Variants in C16orf46 observed in about 807,000 individuals in gnomAD.
C16orf46 encodes the protein uncharacterized protein C16orf46.
C16orf46 carries 7 observed loss-of-function variants against 5.5 expected under a neutral mutation model. The ratio of observed to expected loss-of-function variants is 1.28; its 90% CI spans 0.73 to 2.40. The LOEUF (loss-of-function observed/expected upper bound fraction) is 2.40. C16orf46 is among the 30% of genes most tolerant of loss of function. The pLI, the probability that C16orf46 is intolerant of heterozygous loss-of-function variation, is 0.00. For synonymous variants in C16orf46, 200 were observed against 184.1 expected (o/e 1.09, Z -0.70); for missense variants, 614 against 476.0 (o/e 1.29, Z -2.70).
chr16:81,074,891 T>C (rs4889225), intron 1 of C16orf46, among the ~76,000 whole-genome samples: 122,835 of 152,132 alleles, frequency 0.81, 50,957 homozygotes, highest in Non-Finnish European at 0.92. Flanking sequence ...CTTTTGTTTT[T>C]GGACCATTAT....
At chr16:81,057,141 G>A (rs1354375182), downstream of C16orf46, among the ~76,000 whole-genome samples, 1 of 152,158 alleles carries the variant, frequency 6.6e-6, no homozygotes, top group South Asian at 2.1e-4. Flanking sequence ...TAGTGCCCAG[G>A]TTGAAAAGCC....
At chr16:81,055,625 C>T (rs1245657236) in intron 3 of C16orf46, among the ~76,000 whole-genome samples, 1 of 152,184 alleles carries the variant, frequency 6.6e-6, no homozygotes, top group Non-Finnish European at 1.5e-5. Context: ...ACCCTGCAGG[C>T]TAAGGCTGCA....
chr16:81,053,540 A>C (rs1971207800), exon 4 of C16orf46: 1 of 152,296 alleles, frequency 6.6e-6, no homozygotes, highest in Non-Finnish European at 1.5e-5. Context: ...AATTAATAAC[A>C]AAATAAAAAC....
downstream of C16orf46, among the ~76,000 whole-genome samples, chr16:81,059,194 A>G (rs1048955923): frequency 6.6e-6 from 1 of 151,720 alleles, no homozygotes; most frequent in Middle Eastern, 3.2e-3. Flanking sequence ...GGTGGTGGGC[A>G]CCTGTAATAC....
intron 1 of C16orf46, among the ~76,000 whole-genome samples, chr16:81,073,513 G>A (rs759823633): frequency 2.0e-5 from 3 of 152,096 alleles, no homozygotes; most frequent in Admixed American, 6.6e-5. Context: ...GGATGAATAG[G>A]ATGAAATATA....
At chr16:81,075,290 G>T (rs1324421758) in intron 1 of C16orf46, among the ~76,000 whole-genome samples, 2 of 151,420 alleles carry the variant, frequency 1.3e-5, no homozygotes, top group Non-Finnish European at 2.9e-5. Context: ...CCTAGATCAG[G>T]GATAAAGAAT....
chr16:81,061,983 G>C lies in C16orf46; in HGVS notation c.366C>G (p.Gly122=), dbSNP rs1444331053. 2.5e-6 allele frequency: 4 copies of C among 1,613,954 alleles called. 1 individual carries two copies. The Admixed American group carries it at 6.7e-5, about 27-fold the overall frequency. The part of the protein sequence containing the change: ...SLQTKPPTEG[G]PEKDQSSPSQ... ...AGGGGCTGCTCTGATCCTTCTCTGG[G>C]CCCCCCTCAGTAGGAGGCTTGGTCT... is the stretch of plus-strand genomic sequence containing the variant. Residue 122 remains glycine, a synonymous_variant, in exon 4 of 4, where the codon GGC becomes GGG. Coordinates refer to ENST00000299578, the MANE Select transcript of C16orf46 (RefSeq NM_152337.3).
chr16:81,064,033 AT>A (rs1023630017), intron 2 of C16orf46, 40 bp from the exon 3 acceptor site: 302 of 1,102,376 alleles, frequency 2.7e-4, no homozygotes, highest in Non-Finnish European at 3.4e-4. Flanking sequence ...TTTAATATTA[AT>A]TTTTTTTTAA....
At position 81,061,272 on chromosome 16, in the gene C16orf46, C is replaced by G. The variant is rs746655394; in HGVS notation, c.1077G>C (p.Lys359Asn). 4.3e-6 allele frequency: 7 copies of G among 1,614,108 alleles called. No individual in the cohort carries two copies. The highest frequency in any genetic ancestry group is 5.1e-6 in the Non-Finnish European group (6 of 1,180,020). ...ITRKHVLPKA[K>N]QENRPQMLET... ...CCAGCATTTGGGGCCTGTTTTCCTG[C>G]TTGGCCTTTGGGAGAACATGCTTTC... Residue 359 changes from lysine (K) to asparagine (N), a missense_variant, in exon 4 of 4, where the codon AAG (lysine) becomes AAC (asparagine). Lys to Asn is a moderately conservative substitution (Grantham distance 94). Coordinates refer to ENST00000299578, the MANE Select transcript of C16orf46 (RefSeq NM_152337.3).
intron 1 of C16orf46, among the ~76,000 whole-genome samples, chr16:81,075,613 T>C (rs1013645407): frequency 1.3e-5 from 2 of 152,082 alleles, no homozygotes; most frequent in Non-Finnish European, 2.9e-5. Flanking sequence ...AAATTCTGAA[T>C]TGTCAACTCC....
Position 81,068,842 on chromosome 16 carries a change from C to T in C16orf46, c.-127-2561G>A, listed in dbSNP as rs148828965. On this transcript the variant is annotated intron_variant, in intron 1 of 3. Transcript: ENST00000299578. ...TCAGCCTCCCAAGTAGCTGGGATTCCAGGCGCATGCCACCACGCCCGGCTA... is the reference window on the plus strand; with the variant it reads ...TCAGCCTCCCAAGTAGCTGGGATTCTAGGCGCATGCCACCACGCCCGGCTA... Among the ~76,000 whole-genome samples the T allele has an allele frequency of 2.3e-3, 343 of 152,124 alleles. 2 individuals are homozygous for T. Among genetic ancestry groups the T allele is most frequent in the African/African-American group, 7.9e-3 (326 of 41,490 alleles).
exon 4 of C16orf46, chr16:81,053,872 A>T: frequency 1.9e-6 from 1 of 540,358 alleles, no homozygotes; most frequent in South Asian, 2.9e-5. Flanking sequence ...GACCTAAAAG[A>T]GCGAGCCGAT....
intron 1 of C16orf46, among the ~76,000 whole-genome samples, chr16:81,066,829 C>T (rs1206903734): frequency 6.6e-6 from 1 of 152,160 alleles, no homozygotes; most frequent in Non-Finnish European, 1.5e-5. Context: ...AAAGTCCATA[C>T]AAACGTTTTC....
chr16:81,059,320 CAAAAA>C (rs71143671), downstream of C16orf46, among the ~76,000 whole-genome samples: 27 of 46,624 alleles, frequency 5.8e-4, no homozygotes, highest in African/African-American at 2.3e-3. Flanking sequence ...GACTCTGTCT[CAAAAA>C]AAAAAAAAAA....
At chr16:81,064,362 C>A (rs372240773) in intron 2 of C16orf46, among the ~76,000 whole-genome samples, 269 of 139,116 alleles carry the variant, frequency 1.9e-3, no homozygotes, top group Middle Eastern at 7.2e-3. Flanking sequence ...GATTACATCT[C>A]AAAAAAAAAA....
At chr16:81,072,306 C>T (rs1597152437) in intron 1 of C16orf46, 2 of 126,742 alleles carry the variant, frequency 1.6e-5, no homozygotes, top group African/African-American at 3.0e-5. Flanking sequence ...AGGGGTTGTT[C>T]GTGTAATGAT....
intron 3 of C16orf46, 131 bp from the exon 4 acceptor site, chr16:81,062,269 C>T: frequency 1.4e-6 from 1 of 705,824 alleles, no homozygotes; most frequent in Non-Finnish European, 2.1e-6. Flanking sequence ...TTTTTTACTA[C>T]CCCTTCCCCC....
intron 1 of C16orf46, among the ~76,000 whole-genome samples, chr16:81,070,875 A>T (rs1971826557): frequency 6.6e-6 from 1 of 152,146 alleles, no homozygotes; most frequent in Non-Finnish European, 1.5e-5. Flanking sequence ...ACTTATAGTC[A>T]TGTATAGTTT....
downstream of C16orf46, chr16:81,058,185 G>A (rs1370404777): frequency 6.6e-6 from 1 of 152,366 alleles, no homozygotes; most frequent in Non-Finnish European, 1.5e-5. Context: ...TCATTTTATA[G>A]GCAAAGGCAG....
Sources: gnomAD v4.1 joint callset for allele counts (sites outside exome capture counted in the v4.1 genomes callset) on GRCh38, gnomAD v4.1.1 for gene constraint, MANE v1.5 for transcripts, NCBI Gene and HGNC (gene_info 2026-07-23, HGNC 2026-07-21) for gene names.